The following CFAP58 variants were observed in gnomAD, a reference collection of about 807,000 sequenced individuals.
The protein encoded by CFAP58 is cilia- and flagella-associated protein 58.
CFAP58 carries 88 observed loss-of-function variants against 119.5 expected under a neutral mutation model. The ratio of observed to expected loss-of-function variants is 0.74; its 90% CI spans 0.62 to 0.88. The LOEUF is 0.88. Among genes scored for constraint, CFAP58 ranks in the 40% least tolerant of loss-of-function variants. The pLI, the probability that CFAP58 is intolerant of heterozygous loss-of-function variation, is 0.00. For synonymous variants in CFAP58, 365 were observed against 366.3 expected (o/e 1.00, Z 0.04); for missense variants, 990 against 1,021.2 (o/e 0.97, Z 0.42).
intron 9 of CFAP58, among the ~76,000 whole-genome samples, chr10:104,380,803 C>T (rs1213294383): frequency 6.6e-6 from 1 of 151,706 alleles, no homozygotes; most frequent in African/African-American, 2.4e-5. Flanking sequence ...TTACAAGCAG[C>T]CCAGGCAACA....
At chr10:104,345,792 A>G in the CFAP58 span, among the ~76,000 whole-genome samples, 1 of 152,146 alleles carries the variant, frequency 6.6e-6, no homozygotes, top group Non-Finnish European at 1.5e-5. Flanking sequence ...TGGATTTTCC[A>G]GAAAAGGGAT....
chr10:104,421,187 A>T (rs575513553), intron 15 of CFAP58, among the ~76,000 whole-genome samples: 1 of 152,324 alleles, frequency 6.6e-6, no homozygotes, highest in African/African-American at 2.4e-5. Flanking sequence ...TGAGTAGTAG[A>T]TATGGAACCT....
At chr10:104,432,741 T>A (rs1164438590) in intron 15 of CFAP58, among the ~76,000 whole-genome samples, 1 of 152,202 alleles carries the variant, frequency 6.6e-6, no homozygotes, top group African/African-American at 2.4e-5. Flanking sequence ...GACCTTGTGA[T>A]CTGCCTGCCT....
intron 15 of CFAP58, among the ~76,000 whole-genome samples, chr10:104,416,125 T>C (rs2133061839): frequency 6.6e-6 from 1 of 152,304 alleles, no homozygotes; most frequent in Non-Finnish European, 1.5e-5. Context: ...GAAAATTTTA[T>C]TAAAACGATG....
chr10:104,422,514 T>A (rs2133069093), intron 15 of CFAP58, among the ~76,000 whole-genome samples: 1 of 152,376 alleles, frequency 6.6e-6, no homozygotes, highest in South Asian at 2.1e-4. Flanking sequence ...TGGGCTCAGC[T>A]GGCTTGTTTT....
At chr10:104,428,168 G>C (rs1484442779) in intron 15 of CFAP58, among the ~76,000 whole-genome samples, 1 of 152,170 alleles carries the variant, frequency 6.6e-6, no homozygotes, top group Non-Finnish European at 1.5e-5. Flanking sequence ...CACAGGCCAA[G>C]GGAGGAGTGA....
intron 1 of CFAP58, among the ~76,000 whole-genome samples, chr10:104,357,755 TATA>T (rs775239615): frequency 3.7e-4 from 56 of 151,862 alleles, no homozygotes; most frequent in Non-Finnish European, 6.0e-4. Flanking sequence ...TGTATAAATG[TATA>T]ATGTGTATGT....
chr10:104,380,976 C>T (rs920784097), intron 9 of CFAP58, among the ~76,000 whole-genome samples: 6 of 152,074 alleles, frequency 3.9e-5, no homozygotes, highest in Non-Finnish European at 8.8e-5. Flanking sequence ...ACGGTGAAAC[C>T]CTGTCTCTAC....
chr10:104,395,136 C>G (rs1054531654), intron 11 of CFAP58, among the ~76,000 whole-genome samples: 2 of 152,084 alleles, frequency 1.3e-5, no homozygotes, highest in African/African-American at 4.8e-5. Context: ...GTGTCCTATA[C>G]AAAATATCAA....
At chr10:104,418,354 C>T (rs908725294) in intron 15 of CFAP58, among the ~76,000 whole-genome samples, 2 of 152,158 alleles carry the variant, frequency 1.3e-5, no homozygotes, top group Non-Finnish European at 2.9e-5. Context: ...CGAGACCATC[C>T]TGGCTAACAT....
the CFAP58 span, among the ~76,000 whole-genome samples, chr10:104,338,773 T>C: frequency 2.6e-5 from 4 of 152,236 alleles, no homozygotes; most frequent in African/African-American, 9.6e-5. Flanking sequence ...GGGGAGAGTT[T>C]TCTGCGGCGC....
At chr10:104,402,007 G>A (rs904925098) in intron 13 of CFAP58, among the ~76,000 whole-genome samples, 1 of 152,128 alleles carries the variant, frequency 6.6e-6, no homozygotes, top group Non-Finnish European at 1.5e-5. Context: ...ATACACAAAG[G>A]ACCACATTTT....
chr10:104,365,907 G>T lies in CFAP58; in HGVS notation c.691G>T (p.Asp231Tyr). Residue 231 changes from aspartate (D) to tyrosine (Y), a missense_variant, in exon 5 of 18, where the codon GAC (aspartate) becomes TAC (tyrosine). By Grantham distance (160) the Asp-to-Tyr change is radical. Coordinates refer to ENST00000369704, the MANE Select transcript of CFAP58 (RefSeq NM_001008723.2). ...LEKELKQIQADMDSRQTEIKA... is the reference protein window; with the variant it reads ...LEKELKQIQAYMDSRQTEIKA... ...GAAAGAGCTCAAGCAGATTCAGGCAGACATGGACAGCAGGCAGACAGAAAT... is the reference window on the plus strand; with the variant it reads ...GAAAGAGCTCAAGCAGATTCAGGCATACATGGACAGCAGGCAGACAGAAAT... The T allele has an allele frequency of 6.2e-7, 1 of 1,613,672 alleles. No individual in the cohort carries two copies. Among genetic ancestry groups the T allele is most frequent in the Non-Finnish European group, 8.5e-7 (1 of 1,179,824 alleles).
intron 16 of CFAP58, among the ~76,000 whole-genome samples, chr10:104,449,314 A>G (rs7906806): frequency 0.14 from 21,296 of 152,208 alleles, 3,071 homozygotes; most frequent in African/African-American, 0.36. Context: ...ATTTAAAACA[A>G]CAAGCAAGAG....
At chr10:104,419,077 C>T (rs1289301523) in intron 15 of CFAP58, among the ~76,000 whole-genome samples, 3 of 152,166 alleles carry the variant, frequency 2.0e-5, no homozygotes, top group African/African-American at 7.2e-5. Context: ...CGTCGTGCTC[C>T]TGGGGCCTGT....
At chr10:104,392,466 T>C in intron 10 of CFAP58, 72 bp downstream of exon 10, 1 of 1,102,572 alleles carries the variant, frequency 9.1e-7, no homozygotes, top group Non-Finnish European at 1.3e-6. Flanking sequence ...TCTGTTATCC[T>C]AATGGCAGAA....
intron 9 of CFAP58, 107 bp downstream of exon 9, chr10:104,380,327 T>G: frequency 9.0e-7 from 1 of 1,113,116 alleles, no homozygotes; most frequent in Non-Finnish European, 1.3e-6. Context: ...TTTCTGTTTG[T>G]AATTTGTGTG....
intron 14 of CFAP58, among the ~76,000 whole-genome samples, chr10:104,404,258 C>T (rs1038605141): frequency 1.3e-5 from 2 of 152,180 alleles, no homozygotes; most frequent in African/African-American, 2.4e-5. Flanking sequence ...ACAGAAAATA[C>T]GGTTTTGTGA....
At chr10:104,373,482 T>A (rs1317521115) in intron 7 of CFAP58, among the ~76,000 whole-genome samples, 2 of 151,490 alleles carry the variant, frequency 1.3e-5, no homozygotes, top group African/African-American at 2.4e-5. Flanking sequence ...AAAAAAAAAA[T>A]TGCCAGGTGT....
Sources: allele counts gnomAD v4.1 joint callset (sites outside exome capture counted in the v4.1 genomes callset), GRCh38; gene constraint gnomAD v4.1.1; transcripts MANE v1.5; gene names NCBI Gene and HGNC (gene_info 2026-07-23, HGNC 2026-07-21).